Variants in ARAP2 observed in about 807,000 individuals in gnomAD.
ARAP2 encodes the protein arf-GAP with Rho-GAP domain, ANK repeat and PH domain-containing protein 2.
Under a neutral mutation model 194.5 loss-of-function variants are expected in ARAP2, and 148 were observed. The ratio of observed to expected loss-of-function variants is 0.76; its 90% CI spans 0.67 to 0.87. The LOEUF (loss-of-function observed/expected upper bound fraction) is 0.87. Among genes scored for constraint, ARAP2 ranks in the 40% least tolerant of loss-of-function variants. The pLI, the probability that ARAP2 is intolerant of heterozygous loss-of-function variation, is 0.00. For missense variants in ARAP2, 2,128 were observed against 1,989.7 expected (o/e 1.07, Z -1.32); for synonymous variants, 695 against 683.5 (o/e 1.02, Z -0.26).
chr4:36,114,885 A>T (rs73806463), intron 25 of ARAP2, among the ~76,000 whole-genome samples: 9,496 of 152,062 alleles, frequency 0.062, 314 homozygotes, highest in East Asian at 0.12. Context: ...AGGCCACTGT[A>T]TAAGCACATC....
chr4:36,127,799 T>C (rs1048938112), intron 21 of ARAP2, among the ~76,000 whole-genome samples: 54 of 151,982 alleles, frequency 3.6e-4, no homozygotes, highest in Admixed American at 1.1e-3. Context: ...TATACATAAA[T>C]TATAAAAGTG....
intron 5 of ARAP2, among the ~76,000 whole-genome samples, chr4:36,033,008 A>AT (rs11310220): frequency 6.6e-6 from 1 of 151,960 alleles, no homozygotes; most frequent in Non-Finnish European, 1.5e-5. Context: ...ACCTGATCTC[A>AT]TTTTTTTGTG....
At chr4:36,097,199 A>G (rs186714488) in intron 27 of ARAP2, among the ~76,000 whole-genome samples, 32 of 152,256 alleles carry the variant, frequency 2.1e-4, no homozygotes, top group African/African-American at 7.7e-4. Context: ...GTGATTGAGT[A>G]TATTGAGTAC....
At chr4:36,143,062 C>T (rs1023318809) in intron 19 of ARAP2, among the ~76,000 whole-genome samples, 2 of 151,732 alleles carry the variant, frequency 1.3e-5, no homozygotes, top group Admixed American at 1.3e-4. Flanking sequence ...AATACACAAA[C>T]ATATGTTTAT....
chr4:36,233,739 G>T (rs1442143262), intron 1 of ARAP2, among the ~76,000 whole-genome samples: 1 of 152,190 alleles, frequency 6.6e-6, no homozygotes, highest in African/African-American at 2.4e-5. Flanking sequence ...CTCGCACATA[G>T]TGCCTAGCAC....
rs759124518 is a variant in ARAP2 at position 36,082,267 on chromosome 4, A to C, written c.4528T>G (p.Ser1510Ala). The change falls in exon 30 of 33, where the codon TCT becomes GCT. Residue 1510 changes from serine to alanine, a missense_variant. By Grantham distance (99) the Ser-to-Ala change is moderately conservative. Transcript: ENST00000303965. ...TTAACTTACCAGTGATGTTTCTCAGAATATGCGGTCAATCCCCAGCTGCAT... is the reference window on the plus strand; with the variant it reads ...TTAACTTACCAGTGATGTTTCTCAGCATATGCGGTCAATCCCCAGCTGCAT... ...PPTSWGLTAY[S>A]EKHHWHLCCD... 28 of 1,611,738 alleles carry C rather than the reference A, an allele frequency of 1.7e-5. 2 individuals are homozygous for C. In the Middle Eastern group the frequency reaches 3.6e-3, roughly 210 times the overall value.
At chr4:36,082,515 A>C (rs1266491416) in intron 29 of ARAP2, among the ~76,000 whole-genome samples, 1 of 152,120 alleles carries the variant, frequency 6.6e-6, no homozygotes, top group African/African-American at 2.4e-5. Context: ...TGGGGCAGAG[A>C]GGAGATGTCT....
At chr4:36,065,234 C>A, downstream of ARAP2, 1 of 379,998 alleles carries the variant, frequency 2.6e-6, no homozygotes, top group Non-Finnish European at 5.5e-6. Context: ...GCAGGTGGAG[C>A]GGGAGAAGCA....
At chr4:36,160,274 T>G (rs149007827) in intron 13 of ARAP2, 185 bp downstream of exon 13, 10 of 1,200,550 alleles carry the variant, frequency 8.3e-6, no homozygotes, top group Non-Finnish European at 1.0e-5. Flanking sequence ...GAATTTATGC[T>G]CTTTTGACAA....
At chr4:36,088,867 C>T (rs1712686237) in intron 28 of ARAP2, among the ~76,000 whole-genome samples, 1 of 152,114 alleles carries the variant, frequency 6.6e-6, no homozygotes, top group African/African-American at 2.4e-5. Context: ...CTTTGTGCAT[C>T]TCCACAACAG....
intron 6 of ARAP2, among the ~76,000 whole-genome samples, chr4:36,018,500 T>C (rs1445810228): frequency 1.3e-5 from 2 of 150,258 alleles, no homozygotes; most frequent in African/African-American, 4.9e-5. Context: ...TTATTAGAAC[T>C]GCCTAAAAAT....
At chr4:36,171,666 A>C (rs960337396) in intron 9 of ARAP2, among the ~76,000 whole-genome samples, 1 of 152,068 alleles carries the variant, frequency 6.6e-6, no homozygotes, top group Non-Finnish European at 1.5e-5. Flanking sequence ...AACTTAAAGT[A>C]TAATAATTAA....
chr4:36,167,482 A>G (rs1735550160), intron 9 of ARAP2, among the ~76,000 whole-genome samples: 2 of 152,076 alleles, frequency 1.3e-5, no homozygotes, highest in South Asian at 2.1e-4. Context: ...GGTTACATGG[A>G]AAGTTCAGCT....
intron 1 of ARAP2, among the ~76,000 whole-genome samples, chr4:36,234,241 G>A (rs1752037202): frequency 6.6e-6 from 1 of 152,196 alleles, no homozygotes; most frequent in Non-Finnish European, 1.5e-5. Context: ...AGTTCTGGAG[G>A]ATGGGAAGTC....
chr4:36,056,794 T>C (rs983717167), intron 2 of ARAP2, among the ~76,000 whole-genome samples: 1 of 152,210 alleles, frequency 6.6e-6, no homozygotes, highest in African/African-American at 2.4e-5. Context: ...TTCTTTCACT[T>C]TTCTTTTAGC....
intron 5 of ARAP2, among the ~76,000 whole-genome samples, chr4:36,034,701 C>T (rs1719615235): frequency 6.6e-6 from 1 of 151,878 alleles, no homozygotes; most frequent in South Asian, 2.1e-4. Context: ...GCAGCTTTTG[C>T]CTGTTCAGTA....
At position 36,068,020 on chromosome 4, in the gene ARAP2, T is replaced by A; in HGVS notation, c.5002A>T (p.Thr1668Ser). 1 of 1,614,194 alleles carries A rather than the reference T, an allele frequency of 6.2e-7. No individual in the cohort carries two copies. Among genetic ancestry groups the A allele is most frequent in the South Asian group, 1.1e-5 (1 of 91,090 alleles). ...GGTAACTTATGATCAGAGTCCAAAG[T>A]AGCTTTGCTATTCCTGTCCTCAGTC... ...RKTEDRNSKA[T>S]LDSDHKLPSR... Residue 1668 changes from threonine to serine, a missense_variant, in exon 33 of 33, where the codon ACT (threonine) becomes TCT (serine). Coordinates refer to ENST00000303965, the MANE Select transcript of ARAP2 (RefSeq NM_015230.4).
intron 3 of ARAP2, among the ~76,000 whole-genome samples, chr4:36,048,574 T>C (rs1722179664): frequency 6.6e-6 from 1 of 152,162 alleles, no homozygotes; most frequent in Non-Finnish European, 1.5e-5. Flanking sequence ...TTTCATGATA[T>C]ACATGAATCA....
intron 3 of ARAP2, among the ~76,000 whole-genome samples, 155 bp downstream of exon 3, chr4:36,214,267 T>C (rs770989226): frequency 6.6e-6 from 1 of 152,206 alleles, no homozygotes; most frequent in Non-Finnish European, 1.5e-5. Context: ...ATTCAGTCCA[T>C]TTTAAAAGTG....
Sources: gnomAD v4.1 joint callset for allele counts (sites outside exome capture counted in the v4.1 genomes callset) on GRCh38, gnomAD v4.1.1 for gene constraint, MANE v1.5 for transcripts, NCBI Gene and HGNC (gene_info 2026-07-23, HGNC 2026-07-21) for gene names.